The following ANKRD28 variants were observed in gnomAD, a reference collection of about 807,000 sequenced individuals.
The protein encoded by ANKRD28 is ankyrin repeat domain 28, also known as serine/threonine-protein phosphatase 6 regulatory ankyrin repeat subunit A.
ANKRD28 carries 44 observed loss-of-function variants against 126.5 expected under a neutral mutation model. The observed-to-expected ratio is 0.35, with a 90% confidence interval of 0.27 to 0.45. ANKRD28 has a LOEUF of 0.45. Among genes scored for constraint, ANKRD28 ranks in the 20% least tolerant of loss-of-function variants. ANKRD28 has a pLI of 1.00. For missense variants in ANKRD28, 1,110 were observed against 1,316.6 expected, an observed-to-expected ratio of 0.84 and a Z score of 2.43; for synonymous variants, 442 against 468.5, an observed-to-expected ratio of 0.94 and a Z score of 0.73.
In ANKRD28 at chr3:15,859,529, G is replaced by T. The variant is rs1366951025; in HGVS notation, c.-126C>A. The T allele has an allele frequency of 8.2e-6, 7 of 855,142 alleles. No individual in the cohort carries two copies. The African/African-American group carries it at 1.5e-4, about 18-fold the overall frequency. The allele number at this position is 855,142 out of a possible 1,614,324, so 53.0% of individuals were successfully genotyped here. A position where few individuals can be genotyped will look rare whatever the true frequency, so the allele number is the denominator to read the frequency against. Reference sequence around the variant, plus strand: ...GCCCGGGACCAGCGGGTCCGCGGCCGACTGCGCTGAGAAGACCTGCGGGCA... The same window carrying T: ...GCCCGGGACCAGCGGGTCCGCGGCCTACTGCGCTGAGAAGACCTGCGGGCA... On this transcript the variant is annotated 5_prime_UTR_variant, in exon 1 of 28. Transcript: ENST00000399451.
chr3:15,785,446 A>G (rs2059730774), intron 2 of ANKRD28, among the ~76,000 whole-genome samples: 1 of 152,132 alleles, frequency 6.6e-6, no homozygotes, highest in Non-Finnish European at 1.5e-5. Flanking sequence ...ACAGATGGCA[A>G]ATAAGCATAT....
rs2061717151 is a variant in ANKRD28 at position 15,854,363 on chromosome 3, T to C, written c.27+5014A>G. Among the ~76,000 whole-genome samples the C allele has an allele frequency of 6.6e-6, 1 of 152,232 alleles. No homozygotes were observed. On this transcript the variant is annotated intron_variant, in intron 1 of 27. Transcript: ENST00000399451. This position sits in a 1 kb window ranked among gnomAD's most constrained non-coding sequence, Gnocchi z 4.1. ...TCACAGTTCCCTCTTGTTGCTTTCATTGACAACTGCTTGCTTTCAACATCC... is the reference window on the plus strand; with the variant it reads ...TCACAGTTCCCTCTTGTTGCTTTCACTGACAACTGCTTGCTTTCAACATCC...
chr3:15,777,280 A>G (rs954378050), intron 2 of ANKRD28, among the ~76,000 whole-genome samples: 5 of 151,762 alleles, frequency 3.3e-5, no homozygotes, highest in South Asian at 2.1e-4. Flanking sequence ...TCAAAAAAAA[A>G]AAAAAAAAGA....
At chr3:15,788,254 A>T (rs1434946549) in intron 2 of ANKRD28, among the ~76,000 whole-genome samples, 1 of 152,204 alleles carries the variant, frequency 6.6e-6, no homozygotes, top group Non-Finnish European at 1.5e-5. Flanking sequence ...TTTGTATCAC[A>T]GCTTAAAAGG....
At chr3:15,768,663 C>T (rs372583238) in intron 2 of ANKRD28, among the ~76,000 whole-genome samples, 13 of 149,050 alleles carry the variant, frequency 8.7e-5, no homozygotes, top group East Asian at 8.0e-4. Context: ...CGGGGGGCGG[C>T]GGTGGGGCAG....
At chr3:15,857,981 A>T (rs1191047379) in intron 1 of ANKRD28, among the ~76,000 whole-genome samples, 1 of 152,248 alleles carries the variant, frequency 6.6e-6, no homozygotes, top group Non-Finnish European at 1.5e-5. Context: ...TATAAGATGC[A>T]CGGACTGTAC....
chr3:15,799,782 G>A (rs2060422348), upstream of ANKRD28, among the ~76,000 whole-genome samples: 1 of 151,890 alleles, frequency 6.6e-6, no homozygotes, highest in South Asian at 2.1e-4. Flanking sequence ...CCACACTTAG[G>A]TCTTTCCCAA....
chr3:15,705,759 TG>T (rs1208544518), intron 14 of ANKRD28, among the ~76,000 whole-genome samples: 1 of 152,230 alleles, frequency 6.6e-6, no homozygotes, highest in African/African-American at 2.4e-5. Flanking sequence ...CCCAGCATTT[TG>T]GAAGGCCAAG....
intron 3 of ANKRD28, among the ~76,000 whole-genome samples, chr3:15,763,865 T>C (rs574411350): frequency 6.6e-6 from 1 of 152,198 alleles, no homozygotes; most frequent in Non-Finnish European, 1.5e-5. Flanking sequence ...TCATCCAAAA[T>C]TGTATTTTTC....
intron 2 of ANKRD28, among the ~76,000 whole-genome samples, chr3:15,782,170 G>A (rs575596095): frequency 3.9e-5 from 6 of 152,130 alleles, no homozygotes; most frequent in African/African-American, 1.4e-4. Context: ...CTCTCAATTA[G>A]GAGTGATATC....
At chr3:15,744,847 A>T (rs112084016) in intron 4 of ANKRD28, among the ~76,000 whole-genome samples, 7 of 152,294 alleles carry the variant, frequency 4.6e-5, no homozygotes, top group African/African-American at 1.7e-4. Context: ...GTACTAGTTT[A>T]CATTCCCACC....
chr3:15,851,796 G>T (rs578122820), intron 1 of ANKRD28, among the ~76,000 whole-genome samples: 5 of 152,190 alleles, frequency 3.3e-5, no homozygotes, highest in African/African-American at 1.2e-4. Flanking sequence ...ATATCCCAGA[G>T]AAATGAAAAC....
At chr3:15,772,971 T>G (rs1188178256) in intron 2 of ANKRD28, among the ~76,000 whole-genome samples, 1 of 152,162 alleles carries the variant, frequency 6.6e-6, no homozygotes, top group Non-Finnish European at 1.5e-5. Flanking sequence ...AATGTTTTTT[T>G]CTGAGATAGG....
At chr3:15,671,578 GTTTT>G (rs869032190) in intron 27 of ANKRD28, among the ~76,000 whole-genome samples, 1 of 141,326 alleles carries the variant, frequency 7.1e-6, no homozygotes, top group African/African-American at 2.7e-5. Context: ...AAACACTATA[GTTTT>G]TTTTTTGTTT....
At chr3:15,777,849 TACACACACAC>T (rs569761948) in intron 2 of ANKRD28, among the ~76,000 whole-genome samples, 3,715 of 106,156 alleles carry the variant, frequency 0.035, 165 homozygotes, top group African/African-American at 0.096. Flanking sequence ...AAAACCAAAC[TACACACACAC>T]ACACACACAC....
At chr3:15,829,739 G>A (rs2061149001) in intron 1 of ANKRD28, among the ~76,000 whole-genome samples, 2 of 152,016 alleles carry the variant, frequency 1.3e-5, no homozygotes, top group African/African-American at 2.4e-5. Context: ...CAAGGTGGCC[G>A]ATACAGATTT....
At chr3:15,821,441 T>C (rs2060939517) in intron 1 of ANKRD28, among the ~76,000 whole-genome samples, 1 of 152,128 alleles carries the variant, frequency 6.6e-6, no homozygotes, top group Non-Finnish European at 1.5e-5. Context: ...TTAAACAAAT[T>C]AGGCTTTTTC....
At chr3:15,847,374 C>T (rs1411299452) in intron 1 of ANKRD28, among the ~76,000 whole-genome samples, 1 of 152,088 alleles carries the variant, frequency 6.6e-6, no homozygotes, top group Non-Finnish European at 1.5e-5. Flanking sequence ...GATTTTCTTT[C>T]CTCCATTCAT....
chr3:15,844,076 T>C (rs950018643), intron 1 of ANKRD28, among the ~76,000 whole-genome samples: 2 of 152,092 alleles, frequency 1.3e-5, no homozygotes, highest in Admixed American at 6.5e-5. Flanking sequence ...ATGGTTGATA[T>C]GAAGTGAGCT....
Sources: gnomAD v4.1 joint callset for allele counts (sites outside exome capture counted in the v4.1 genomes callset) on GRCh38, gnomAD v4.1.1 for gene constraint, Gnocchi (gnomAD v3.1) non-coding constraint, MANE v1.5 for transcripts, NCBI Gene and HGNC (gene_info 2026-07-23, HGNC 2026-07-21) for gene names.